Variants in KIF1B observed in about 807,000 individuals in gnomAD.
The protein encoded by KIF1B is kinesin-like protein KIF1B.
Under a neutral mutation model 241.9 loss-of-function variants are expected in KIF1B, and 76 were observed. That is an observed-to-expected ratio of 0.31 (90% CI 0.26 to 0.38). The LOEUF is 0.38. Among genes scored for constraint, KIF1B ranks in the 10% least tolerant of loss-of-function variants. The pLI is 1.00. For synonymous variants in KIF1B, 750 were observed against 796.7 expected (o/e 0.94, Z 0.99); for missense variants, 1,622 against 2,271.4 (o/e 0.71, Z 5.81).
At position 10,381,354 on chromosome 1, in the gene KIF1B, C is replaced by T. The variant is rs1639018237; in HGVS notation, c.*4767C>T. ...CTCTCCCCCGTGAAGGAGTTGAGCACATTAGCAACAATGTACATTAATTTT... is the reference window on the plus strand; with the variant it reads ...CTCTCCCCCGTGAAGGAGTTGAGCATATTAGCAACAATGTACATTAATTTT... On this transcript the variant is annotated 3_prime_UTR_variant, in exon 49 of 49. Transcript: ENST00000676179. 1 of 224,690 alleles carries T rather than the reference C, an allele frequency of 4.5e-6. No individual in the cohort carries two copies. Among genetic ancestry groups the T allele is most frequent in the Non-Finnish European group, 8.9e-6 (1 of 112,490 alleles). The allele number at this position is 224,690 out of a possible 1,614,324, so 13.9% of individuals were successfully genotyped here.
chr1:10,299,083 A>AG (rs1310196696), intron 22 of KIF1B: 7 of 151,750 alleles, frequency 4.6e-5, no homozygotes, highest in African/African-American at 2.4e-5. Flanking sequence ...AAAAAAAAAA[A>AG]AAGAAACAAA....
chr1:10,264,696 CTG>C (rs1470463431), intron 5 of KIF1B, among the ~76,000 whole-genome samples: 1 of 152,114 alleles, frequency 6.6e-6, no homozygotes, highest in Non-Finnish European at 1.5e-5. Flanking sequence ...GAGTCTCACT[CTG>C]TCACCCAGGC....
At chr1:10,254,748 G>T (rs1461202794) in intron 2 of KIF1B, among the ~76,000 whole-genome samples, 1 of 151,580 alleles carries the variant, frequency 6.6e-6, no homozygotes. Flanking sequence ...GTGGTGGCGG[G>T]CGCCTGTAGT....
chr1:10,376,834 AAC>A lies in KIF1B; in HGVS notation c.*279_*280del, dbSNP rs111663673. ...CTAACAAAAGGAAAAAATGTTTTTA[AAC>A]ACACACACACACACACACACACACA... On this transcript the variant is annotated 3_prime_UTR_variant, in exon 49 of 49. Coordinates refer to ENST00000676179, the MANE Select transcript of KIF1B (RefSeq NM_001365951.3). The A allele has an allele frequency of 0.25, 99,359 of 401,036 alleles. 3,062 individuals carry two copies. The highest frequency in any genetic ancestry group is 0.31 in the African/African-American group (15,095 of 48,182). The allele number at this position is 401,036 out of a possible 1,614,324, so 24.8% of individuals were successfully genotyped here.
At chr1:10,256,185 C>T in intron 2 of KIF1B, 62 bp from the exon 3 acceptor site, 1 of 1,014,220 alleles carries the variant, frequency 9.9e-7, no homozygotes, top group East Asian at 2.4e-5. Context: ...CACAGAATAA[C>T]ATGTTTAACT....
chr1:10,370,163 T>C (rs1557742920), intron 44 of KIF1B, among the ~76,000 whole-genome samples: 1 of 151,986 alleles, frequency 6.6e-6, no homozygotes, highest in Non-Finnish European at 1.5e-5. Flanking sequence ...TGTGGCAGAA[T>C]TGCTTGAACC....
chr1:10,306,296 A>T lies in KIF1B; in HGVS notation c.2115+9050A>T. The T allele has an allele frequency of 4.8e-6, 5 of 1,046,480 alleles. No homozygotes were observed. In the South Asian group the frequency reaches 2.3e-4, roughly 48 times the overall value. 64.8% of individuals were successfully genotyped at this position (1,046,480 alleles called of 1,614,324 possible). ...TAATGGGTTGAGTTACTGAGATGAC[A>T]ATCTCCTGTGCCATTTGGTTTGAAT... is the stretch of plus-strand genomic sequence containing the variant. On this transcript the variant is annotated intron_variant, in intron 22 of 48. Coordinates refer to ENST00000676179, the MANE Select transcript of KIF1B (RefSeq NM_001365951.3).
intron 15 of KIF1B, among the ~76,000 whole-genome samples, chr1:10,290,370 C>T (rs1649933364): frequency 6.6e-6 from 1 of 152,016 alleles, no homozygotes; most frequent in African/African-American, 2.4e-5. Flanking sequence ...TCTTCAGATG[C>T]GATTTAATAG....
intron 38 of KIF1B, among the ~76,000 whole-genome samples, chr1:10,359,043 T>C (rs1310466921): frequency 6.6e-6 from 1 of 152,192 alleles, no homozygotes; most frequent in Non-Finnish European, 1.5e-5. Flanking sequence ...TGAAGAAGAC[T>C]TAGATCTAGA....
chr1:10,308,783 TAAC>T (rs1465631407), intron 22 of KIF1B, among the ~76,000 whole-genome samples: 3 of 152,246 alleles, frequency 2.0e-5, no homozygotes, highest in Non-Finnish European at 4.4e-5. Flanking sequence ...CTTTTCTGTT[TAAC>T]AAAATTCTAT....
intron 22 of KIF1B, 87 bp from the exon 23 acceptor site, chr1:10,319,956 A>T: frequency 2.4e-6 from 2 of 828,194 alleles, no homozygotes; most frequent in African/African-American, 1.7e-5. Context: ...TGCTTTCTCT[A>T]CTTCCCCCAA....
At chr1:10,251,589 C>T (rs1164480343) in intron 2 of KIF1B, among the ~76,000 whole-genome samples, 1 of 151,834 alleles carries the variant, frequency 6.6e-6, no homozygotes, top group Non-Finnish European at 1.5e-5. Context: ...ACAAAATTAG[C>T]CAGGTGTGGT....
chr1:10,304,813 C>T (rs1205429971), intron 22 of KIF1B: 12 of 1,479,494 alleles, frequency 8.1e-6, no homozygotes, highest in African/African-American at 2.8e-5. Flanking sequence ...TCAACACCTC[C>T]CTTTTGCTTG....
At chr1:10,294,542 T>C (rs1393838010) in intron 17 of KIF1B, among the ~76,000 whole-genome samples, 4 of 152,118 alleles carry the variant, frequency 2.6e-5, no homozygotes, top group Non-Finnish European at 4.4e-5. Context: ...TATCAAAAAT[T>C]AGGTCTTGTT....
At chr1:10,230,021 AAAT>A (rs1315444252) in intron 1 of KIF1B, among the ~76,000 whole-genome samples, 3 of 152,036 alleles carry the variant, frequency 2.0e-5, no homozygotes, top group Non-Finnish European at 4.4e-5. Flanking sequence ...AAATAAAATA[AAAT>A]ATTAGTTGGG....
intron 7 of KIF1B, 143 bp downstream of exon 7, chr1:10,268,406 T>C: frequency 1.4e-6 from 1 of 697,164 alleles, no homozygotes; most frequent in Non-Finnish European, 2.6e-6. Context: ...TACCTCTGCT[T>C]ATCATTTTTC....
At chr1:10,218,425 C>CT (rs879830838) in intron 1 of KIF1B, among the ~76,000 whole-genome samples, 164 of 146,024 alleles carry the variant, frequency 1.1e-3, no homozygotes, top group South Asian at 1.7e-3. Context: ...CTTTGTGCAA[C>CT]TTTTTTTTTT....
At chr1:10,277,730 C>T (rs1649191652) in intron 12 of KIF1B, among the ~76,000 whole-genome samples, 1 of 152,190 alleles carries the variant, frequency 6.6e-6, no homozygotes, top group Non-Finnish European at 1.5e-5. Context: ...ATGGAATAAA[C>T]ACTATACAGT....
In KIF1B at chr1:10,256,234, T is replaced by C. The variant is rs936173191; in HGVS notation, c.107-13T>C. 42 of 1,555,710 alleles carry C rather than the reference T, an allele frequency of 2.7e-5. No homozygotes were observed. Among genetic ancestry groups the C allele is most frequent in the Non-Finnish European group, 3.7e-5 (42 of 1,126,884 alleles). On this transcript the variant is annotated splice_polypyrimidine_tract_variant and intron_variant, in intron 2 of 48. Transcript: ENST00000676179. Reference sequence around the variant, plus strand: ...TTGAGTGACTTATAAAATGAAACATTTTTATCTTCTAGGTATTATTAACCC... The same window carrying C: ...TTGAGTGACTTATAAAATGAAACATCTTTATCTTCTAGGTATTATTAACCC...
Sources: allele counts gnomAD v4.1 joint callset (sites outside exome capture counted in the v4.1 genomes callset), GRCh38; gene constraint gnomAD v4.1.1; transcripts MANE v1.5; gene names NCBI Gene and HGNC (gene_info 2026-07-23, HGNC 2026-07-21).